Variants in DAB1 observed in about 807,000 individuals in gnomAD.
DAB1 encodes the protein disabled homolog 1.
DAB1 carries 15 observed loss-of-function variants against 64.6 expected under a neutral mutation model. That is an observed-to-expected ratio of 0.23 (90% confidence interval 0.16 to 0.36). The LOEUF (loss-of-function observed/expected upper bound fraction) is 0.36, where lower values mean the gene tolerates loss of function less well. DAB1 is among the 10% of genes least tolerant of loss of function. The pLI, the probability that DAB1 is intolerant of heterozygous loss-of-function variation, is 1.00. For synonymous variants in DAB1, 235 were observed against 251.9 expected, an observed-to-expected ratio of 0.93 and a Z score of 0.64; for missense variants, 596 against 706.7, an observed-to-expected ratio of 0.84 and a Z score of 1.78.
chr1:57,904,543 A>G (rs1366124296), intron 5 of DAB1, among the ~76,000 whole-genome samples: 2 of 152,204 alleles, frequency 1.3e-5, no homozygotes, highest in African/African-American at 4.8e-5. Flanking sequence ...ATGGAAAATA[A>G]AGAGGAAGAG....
intron 4 of DAB1, among the ~76,000 whole-genome samples, chr1:58,163,615 A>G (rs1655664016): frequency 6.6e-6 from 1 of 152,120 alleles, no homozygotes; most frequent in South Asian, 2.1e-4. Flanking sequence ...CCCAATCCAT[A>G]TGGAAGCTCG....
intron 4 of DAB1, among the ~76,000 whole-genome samples, chr1:58,251,922 C>T (rs1268406701): frequency 6.6e-6 from 1 of 152,130 alleles, no homozygotes; most frequent in African/African-American, 2.4e-5. Flanking sequence ...GTTCCCTGAC[C>T]TCCACAACCA....
intron 8 of DAB1, among the ~76,000 whole-genome samples, chr1:57,064,840 T>C (rs1002121274): frequency 6.6e-6 from 1 of 152,208 alleles, no homozygotes; most frequent in African/African-American, 2.4e-5. Context: ...AAGTAGCCAG[T>C]GAAGAATGTC....
chr1:57,896,703 C>T (rs1644397115), intron 5 of DAB1, among the ~76,000 whole-genome samples: 1 of 152,144 alleles, frequency 6.6e-6, no homozygotes, highest in Non-Finnish European at 1.5e-5. Context: ...GGTAACCTTC[C>T]TCATGGAATT....
intron 1 of DAB1, among the ~76,000 whole-genome samples, chr1:57,829,866 C>T (rs1392724366): frequency 6.6e-6 from 1 of 152,230 alleles, no homozygotes; most frequent in Non-Finnish European, 1.5e-5. Flanking sequence ...CATCCATTAT[C>T]TCATGTGAGC....
intron 1 of DAB1, among the ~76,000 whole-genome samples, chr1:57,399,928 A>G (rs748989866): frequency 8.5e-5 from 13 of 152,232 alleles, no homozygotes; most frequent in Admixed American, 8.5e-4. Flanking sequence ...TAATTGCTCT[A>G]TATGGGTACA....
At chr1:57,245,721 G>A (rs538481205) in intron 2 of DAB1, among the ~76,000 whole-genome samples, 8 of 152,250 alleles carry the variant, frequency 5.3e-5, no homozygotes, top group East Asian at 3.9e-4. Context: ...TTACTATTGC[G>A]AATAGTGCCG....
At chr1:58,200,965 G>A (rs993617596) in intron 4 of DAB1, among the ~76,000 whole-genome samples, 1 of 151,666 alleles carries the variant, frequency 6.6e-6, no homozygotes, top group Non-Finnish European at 1.5e-5. Flanking sequence ...TAGAGGTATG[G>A]ACTTCCTCAG....
chr1:57,682,905 A>C (rs746195847), intron 6 of DAB1, among the ~76,000 whole-genome samples: 4 of 152,116 alleles, frequency 2.6e-5, no homozygotes, highest in Non-Finnish European at 5.9e-5. Context: ...CCTGCCTACT[A>C]GCCCCTCCCA....
chr1:58,527,450 T>C (rs1374585493), intron 1 of DAB1: 1 of 642,532 alleles, frequency 1.6e-6, no homozygotes, highest in African/African-American at 1.8e-5. Flanking sequence ...AAAATTCCTA[T>C]ACTGTCTACT....
intron 5 of DAB1, among the ~76,000 whole-genome samples, chr1:58,062,248 T>C (rs1351161059): frequency 6.6e-6 from 1 of 152,210 alleles, no homozygotes; most frequent in Non-Finnish European, 1.5e-5. Flanking sequence ...GGATAACTTA[T>C]GGCACTAGAC....
At chr1:57,212,949 A>T (rs1666141948) in intron 2 of DAB1, among the ~76,000 whole-genome samples, 1 of 152,192 alleles carries the variant, frequency 6.6e-6, no homozygotes, top group East Asian at 1.9e-4. Flanking sequence ...GAATCTAGCC[A>T]GTGAAGTGTG....
At chr1:58,038,724 G>T (rs538208745) in intron 5 of DAB1, among the ~76,000 whole-genome samples, 1 of 152,286 alleles carries the variant, frequency 6.6e-6, no homozygotes, top group South Asian at 2.1e-4. Flanking sequence ...GATCTTCAGG[G>T]TAGTGCAAGG....
At chr1:57,834,498 A>G (rs1164731837) in intron 1 of DAB1, among the ~76,000 whole-genome samples, 1 of 152,140 alleles carries the variant, frequency 6.6e-6, no homozygotes, top group African/African-American at 2.4e-5. Context: ...ATGTATACCA[A>G]AGCAAAAAGG....
At chr1:57,560,679 T>G (rs1645039984) in intron 7 of DAB1, among the ~76,000 whole-genome samples, 1 of 97,694 alleles carries the variant, frequency 1.0e-5, no homozygotes, top group African/African-American at 3.0e-5. Context: ...AGGTCCAGGC[T>G]GCTGTGCAAG....
At chr1:57,775,167 G>T (rs148485630) in intron 6 of DAB1, among the ~76,000 whole-genome samples, 214 of 151,202 alleles carry the variant, frequency 1.4e-3, no homozygotes, top group African/African-American at 4.9e-3. Flanking sequence ...TTCTTGGTTA[G>T]CATAATTATA....
At chr1:57,799,111 C>T (rs993259747) in intron 6 of DAB1, among the ~76,000 whole-genome samples, 4 of 152,260 alleles carry the variant, frequency 2.6e-5, no homozygotes, top group East Asian at 1.9e-4. Flanking sequence ...TCTGTGAATG[C>T]GTTTCTTCGG....
chr1:57,603,461 C>G (rs11207072), intron 7 of DAB1, among the ~76,000 whole-genome samples: 4,687 of 152,266 alleles, frequency 0.031, 238 homozygotes, highest in African/African-American at 0.11. Flanking sequence ...TAGCGTGAAG[C>G]CTGATCTCAT....
intron 3 of DAB1, among the ~76,000 whole-genome samples, chr1:58,367,380 G>A (rs1291819526): frequency 2.0e-5 from 3 of 152,180 alleles, no homozygotes; most frequent in African/African-American, 4.8e-5. Flanking sequence ...TCCCAGGACA[G>A]CAGCCAGCTT....
Sources: allele counts gnomAD v4.1 joint callset (sites outside exome capture counted in the v4.1 genomes callset), GRCh38; gene constraint gnomAD v4.1.1; transcripts MANE v1.5; gene names NCBI Gene and HGNC (gene_info 2026-07-23, HGNC 2026-07-21).